BCKDHB: variants seen among roughly 807,000 people sequenced by gnomAD.
BCKDHB encodes the protein branched chain keto acid dehydrogenase E1 subunit beta.
A neutral mutation model predicts 48.5 loss-of-function variants in BCKDHB; 41 were observed. That is an observed-to-expected ratio of 0.85 (90% CI 0.66 to 1.10). BCKDHB has a LOEUF of 1.10. BCKDHB is among the 50% of genes least tolerant of loss of function. BCKDHB has a pLI of 0.00. For synonymous variants in BCKDHB, 201 were observed against 174.8 expected (o/e 1.15, Z -1.18); for missense variants, 496 against 494.2 (o/e 1.00, Z -0.03).
intron 8 of BCKDHB, among the ~76,000 whole-genome samples, chr6:80,255,123 A>T (rs1482295271): frequency 1.3e-5 from 2 of 152,198 alleles, no homozygotes; most frequent in Non-Finnish European, 2.9e-5. Context: ...TTTAGAAAAT[A>T]TCTTCTGGAT....
chr6:80,367,881 A>G, the BCKDHB span, among the ~76,000 whole-genome samples: 1 of 152,252 alleles, frequency 6.6e-6, no homozygotes, highest in Non-Finnish European at 1.5e-5. Context: ...CATGTGGTCC[A>G]TTGCCCCATC....
At chr6:80,219,437 C>G (rs1303534297) in intron 8 of BCKDHB, among the ~76,000 whole-genome samples, 1 of 152,068 alleles carries the variant, frequency 6.6e-6, no homozygotes, top group African/African-American at 2.4e-5. Context: ...AAACTCCTGA[C>G]TTCGGGTGAT....
chr6:80,432,728 G>C, the BCKDHB span, among the ~76,000 whole-genome samples: 1 of 152,252 alleles, frequency 6.6e-6, no homozygotes, highest in South Asian at 2.1e-4. Context: ...TTGCTGGTGA[G>C]GAGTTGTGAT....
intron 8 of BCKDHB, among the ~76,000 whole-genome samples, chr6:80,226,909 T>G (rs1775704884): frequency 6.6e-6 from 1 of 152,210 alleles, no homozygotes; most frequent in South Asian, 2.1e-4. Context: ...GGCCCTGGCT[T>G]TTCTACTGGT....
At chr6:80,133,084 G>A (rs370316508) in intron 3 of BCKDHB, among the ~76,000 whole-genome samples, 2 of 152,128 alleles carry the variant, frequency 1.3e-5, no homozygotes, top group Non-Finnish European at 2.9e-5. Context: ...AGATCAGTTC[G>A]CTTTCTGGGG....
intron 1 of BCKDHB, among the ~76,000 whole-genome samples, chr6:80,115,592 A>C (rs1264690345): frequency 6.6e-6 from 1 of 151,660 alleles, no homozygotes; most frequent in African/African-American, 2.4e-5. Context: ...CACCAGGCAT[A>C]TACTGATTGT....
chr6:80,298,313 A>C (rs1456292690), intron 9 of BCKDHB, among the ~76,000 whole-genome samples: 4 of 152,008 alleles, frequency 2.6e-5, no homozygotes, highest in Non-Finnish European at 4.4e-5. Context: ...GGGTTTTGCC[A>C]TGTTGGCCAG....
At chr6:80,382,356 A>C in the BCKDHB span, among the ~76,000 whole-genome samples, 2 of 152,208 alleles carry the variant, frequency 1.3e-5, no homozygotes, top group Non-Finnish European at 2.9e-5. Context: ...GCCCCTTCTC[A>C]TTCAGAGAGC....
At chr6:80,177,054 G>T (rs1040072935) in intron 6 of BCKDHB, among the ~76,000 whole-genome samples, 35 of 151,606 alleles carry the variant, frequency 2.3e-4, no homozygotes, top group Non-Finnish European at 4.3e-4. Context: ...GTAAAACCCT[G>T]TCTCTACACA....
At chr6:80,183,338 C>G (rs925230368) in intron 6 of BCKDHB, among the ~76,000 whole-genome samples, 5 of 152,056 alleles carry the variant, frequency 3.3e-5, no homozygotes, top group African/African-American at 1.2e-4. Flanking sequence ...AAAATGAAAA[C>G]AGGAAATATT....
chr6:80,437,072 A>C, the BCKDHB span, among the ~76,000 whole-genome samples: 1 of 152,200 alleles, frequency 6.6e-6, no homozygotes. Flanking sequence ...ATTTTAATTA[A>C]CTTAGTGTTT....
At chr6:80,139,917 T>C (rs1236614147) in intron 3 of BCKDHB, among the ~76,000 whole-genome samples, 1 of 152,204 alleles carries the variant, frequency 6.6e-6, no homozygotes, top group Non-Finnish European at 1.5e-5. Context: ...TTCACGATAT[T>C]GATTCTTCCT....
At chr6:80,169,813 C>G (rs1380731196) in intron 5 of BCKDHB, 1 of 1,606,324 alleles carries the variant, frequency 6.2e-7, no homozygotes, top group Non-Finnish European at 8.5e-7. Context: ...TCTACCAGAT[C>G]AAAGTTATAA....
In BCKDHB at chr6:80,197,934, TCATCCATCCATC is replaced by T. The variant is rs10651030; in HGVS notation, c.743-2966_743-2955del. ...CCCGTCCATTGATCTATCCATCTGT[TCATCCATCCATC>T]CATCCATCCATCCATCCATCCATCC... On this transcript the variant is annotated intron_variant, in intron 6 of 9. Transcript: ENST00000320393. 8.8e-3 allele frequency among the ~76,000 whole-genome samples: 1,317 copies of T among 148,970 alleles called. 9 individuals carry two copies. The highest frequency in any genetic ancestry group is 0.014 in the Middle Eastern group (4 of 292).
At chr6:80,168,314 C>T (rs2476827) in intron 4 of BCKDHB, among the ~76,000 whole-genome samples, 6,817 of 142,664 alleles carry the variant, frequency 0.048, 396 homozygotes, top group African/African-American at 0.15. Flanking sequence ...AAAGAAAGAG[C>T]GAGAGAGAGG....
chr6:80,205,606 T>A (rs909882068), intron 8 of BCKDHB, among the ~76,000 whole-genome samples: 3 of 151,958 alleles, frequency 2.0e-5, no homozygotes, highest in Non-Finnish European at 4.4e-5. Context: ...AGGAGCAGAG[T>A]CTTTGACTGT....
the BCKDHB span, among the ~76,000 whole-genome samples, chr6:80,371,803 T>C: frequency 6.6e-6 from 1 of 152,072 alleles, no homozygotes; most frequent in Non-Finnish European, 1.5e-5. Flanking sequence ...AGTATTTGGG[T>C]GGATTTCTAA....
At chr6:80,384,704 C>T in the BCKDHB span, among the ~76,000 whole-genome samples, 1 of 152,142 alleles carries the variant, frequency 6.6e-6, no homozygotes, top group Admixed American at 6.5e-5. Flanking sequence ...GCTCCTCAAG[C>T]TTGCAGACAG....
chr6:80,304,263 G>A (rs1767737364), intron 9 of BCKDHB, among the ~76,000 whole-genome samples: 1 of 152,086 alleles, frequency 6.6e-6, no homozygotes, highest in South Asian at 2.1e-4. Context: ...CCTAGGCAGA[G>A]TTGGGGTGGG....
Sources: gnomAD v4.1 joint callset for allele counts (sites outside exome capture counted in the v4.1 genomes callset) on GRCh38, gnomAD v4.1.1 for gene constraint, MANE v1.5 for transcripts, NCBI Gene and HGNC (gene_info 2026-07-23, HGNC 2026-07-21) for gene names.